Variants in PSME4 observed in about 807,000 individuals in gnomAD.
The protein encoded by PSME4 is proteasome activator complex subunit 4.
Under a neutral mutation model 253.9 loss-of-function variants are expected in PSME4, and 89 were observed. The observed-to-expected ratio is 0.35, with a 90% CI of 0.30 to 0.42. The LOEUF (loss-of-function observed/expected upper bound fraction) is 0.42, where lower values mean the gene tolerates loss of function less well. PSME4 is among the 10% of genes least tolerant of loss of function. The pLI, the probability that PSME4 is intolerant of heterozygous loss-of-function variation, is 1.00. For missense variants in PSME4, 2,014 were observed against 2,195.2 expected (o/e 0.92, Z 1.65); for synonymous variants, 851 against 759.2 (o/e 1.12, Z -1.99).
intron 14 of PSME4, among the ~76,000 whole-genome samples, chr2:53,923,758 A>G (rs1343870842): frequency 6.6e-6 from 1 of 152,054 alleles, no homozygotes; most frequent in Non-Finnish European, 1.5e-5. Flanking sequence ...CCCTGTCTCC[A>G]CTAAAAATGC....
chr2:53,966,774 A>G (rs1398180840), intron 1 of PSME4, among the ~76,000 whole-genome samples: 7 of 152,056 alleles, frequency 4.6e-5, no homozygotes, highest in Non-Finnish European at 1.0e-4. Flanking sequence ...CGCTTGGCTC[A>G]CTGCAACCTC....
intron 1 of PSME4, among the ~76,000 whole-genome samples, chr2:53,968,264 G>C (rs1485290832): frequency 3.0e-5 from 4 of 135,108 alleles, no homozygotes; most frequent in Non-Finnish European, 6.2e-5. Context: ...AACAAAGCAA[G>C]ACTCCACCTC....
intron 4 of PSME4, 113 bp from the exon 5 acceptor site, chr2:53,937,653 T>C (rs1384403639): frequency 4.2e-6 from 4 of 951,080 alleles, no homozygotes; most frequent in Non-Finnish European, 6.5e-6. Flanking sequence ...TGTCATAGCA[T>C]GTAACACAGT....
At chr2:53,929,133 T>C (rs754367073) in intron 10 of PSME4, among the ~76,000 whole-genome samples, 22 of 150,472 alleles carry the variant, frequency 1.5e-4, no homozygotes, top group Non-Finnish European at 2.9e-4. Context: ...GCCACTGCAC[T>C]CCAGCCTGGG....
chr2:53,881,103 TA>T (rs1407028956), intron 41 of PSME4, among the ~76,000 whole-genome samples: 1 of 152,190 alleles, frequency 6.6e-6, no homozygotes, highest in Admixed American at 6.5e-5. Flanking sequence ...ATCCAATAGA[TA>T]AATTTCACCA....
intron 3 of PSME4, among the ~76,000 whole-genome samples, chr2:53,941,978 CAGA>C (rs1255111078): frequency 3.9e-5 from 6 of 152,106 alleles, no homozygotes; most frequent in African/African-American, 1.4e-4. Context: ...CTTCACGCTT[CAGA>C]AGAATAGGAA....
chr2:53,873,364 T>C (rs893113524), intron 43 of PSME4, among the ~76,000 whole-genome samples: 1 of 152,088 alleles, frequency 6.6e-6, no homozygotes, highest in African/African-American at 2.4e-5. Flanking sequence ...GAAATTTCCA[T>C]TCCTACTTTC....
chr2:53,915,840 G>A (rs1668035577), intron 20 of PSME4, among the ~76,000 whole-genome samples: 1 of 152,064 alleles, frequency 6.6e-6, no homozygotes, highest in Non-Finnish European at 1.5e-5. Context: ...GGAGGTCAAG[G>A]CAGGTGGATC....
intron 1 of PSME4, among the ~76,000 whole-genome samples, chr2:53,953,487 T>TAA (rs67192995): frequency 1.6e-5 from 2 of 123,000 alleles, no homozygotes; most frequent in East Asian, 4.8e-4. Context: ...CCATGTCTAT[T>TAA]AAAAAAAAAA....
chr2:53,919,178 G>T lies in PSME4; in HGVS notation c.2489C>A (p.Pro830Gln), dbSNP rs1289745793. 1.9e-6 allele frequency: 3 copies of T among 1,612,264 alleles called. No homozygotes were observed. The highest frequency in any genetic ancestry group is 2.5e-6 in the Non-Finnish European group (3 of 1,179,280). ...GTTAGTAACTGGCTCTCCTTTCAACGGAGGTAGGAGGTTTCCAGAGCCAAT... is the reference window on the plus strand; with the variant it reads ...GTTAGTAACTGGCTCTCCTTTCAACTGAGGTAGGAGGTTTCCAGAGCCAAT... The part of the protein sequence containing the change: ...CLIGSGNLLP[P>Q]LKGEPVTNLV... Residue 830 changes from proline (P) to glutamine (Q), a missense_variant, in exon 20 of 47, where the codon CCG becomes CAG. This residue lies in a region of PSME4 where 989 missense variants were observed against 1,021.1 expected (regional missense o/e 0.97). Transcript: ENST00000404125.
chr2:53,938,251 T>C (rs752234952), intron 4 of PSME4, among the ~76,000 whole-genome samples: 2 of 152,044 alleles, frequency 1.3e-5, no homozygotes, highest in African/African-American at 2.4e-5. Flanking sequence ...AGTCCAGCAA[T>C]CTCTAGGCAT....
Position 53,928,303 on chromosome 2 carries a change from T to A in PSME4, c.1317A>T (p.Arg439Ser). The A allele has an allele frequency of 6.2e-7, 1 of 1,612,820 alleles. No homozygotes were observed. Among genetic ancestry groups the A allele is most frequent in the Non-Finnish European group, 8.5e-7 (1 of 1,178,944 alleles). Residue 439 changes from arginine (R) to serine (S), a missense_variant and splice_region_variant, in exon 11 of 47, where the codon AGA (arginine) becomes AGT (serine). Physicochemically the swap from Arg to Ser is moderately radical, Grantham distance 110. Transcript: ENST00000404125. Reference sequence around the variant, plus strand: ...TTAATGTCTCTAATGCAGGATATGTTCTACAGTTTGAAAACAGAATTTTTA... The same window carrying A: ...TTAATGTCTCTAATGCAGGATATGTACTACAGTTTGAAAACAGAATTTTTA... Reference protein sequence around the residue: ...PELVIPPVLERTYPALETLTE... With the variant: ...PELVIPPVLESTYPALETLTE...
chr2:53,870,298 G>A (rs1416106109), intron 43 of PSME4: 4 of 151,696 alleles, frequency 2.6e-5, no homozygotes, highest in Non-Finnish European at 5.9e-5. Flanking sequence ...ACTAGCATAT[G>A]AAATACATCA....
chr2:53,964,721 T>C (rs1670636355), intron 1 of PSME4, among the ~76,000 whole-genome samples: 1 of 152,204 alleles, frequency 6.6e-6, no homozygotes, highest in Admixed American at 6.5e-5. Flanking sequence ...GGGGATGATA[T>C]GAATGTGGGT....
At chr2:53,884,634 C>G (rs1679554760) in intron 41 of PSME4, among the ~76,000 whole-genome samples, 1 of 152,126 alleles carries the variant, frequency 6.6e-6, no homozygotes, top group African/African-American at 2.4e-5. Flanking sequence ...GGGATGGAAC[C>G]CCAGCTATCC....
intron 20 of PSME4, among the ~76,000 whole-genome samples, chr2:53,911,525 T>C (rs1667826881): frequency 6.6e-6 from 1 of 152,146 alleles, no homozygotes; most frequent in Admixed American, 6.6e-5. Context: ...AAATTAGATT[T>C]CACCAAAGAG....
At chr2:53,965,186 C>A (rs1299379356) in intron 1 of PSME4, among the ~76,000 whole-genome samples, 1 of 152,078 alleles carries the variant, frequency 6.6e-6, no homozygotes, top group Non-Finnish European at 1.5e-5. Flanking sequence ...CCTTTTCCCG[C>A]CCTTTCCTCC....
intron 41 of PSME4, among the ~76,000 whole-genome samples, chr2:53,880,247 G>A (rs1204284675): frequency 6.6e-6 from 1 of 152,154 alleles, no homozygotes; most frequent in Non-Finnish European, 1.5e-5. Flanking sequence ...CTTGAAGCCA[G>A]GAGTTTGAGA....
chr2:53,874,613 T>G, intron 42 of PSME4, 119 bp from the exon 43 acceptor site: 1 of 1,023,040 alleles, frequency 9.8e-7, no homozygotes, highest in Non-Finnish European at 1.4e-6. Flanking sequence ...TACACAGGTA[T>G]AGTTAGGACA....
Sources: allele counts gnomAD v4.1 joint callset (sites outside exome capture counted in the v4.1 genomes callset), GRCh38; gene constraint gnomAD v4.1.1; regional missense constraint gnomAD v4.1.1; transcripts MANE v1.5; gene names NCBI Gene and HGNC (gene_info 2026-07-23, HGNC 2026-07-21).